The following ZRANB1 variants were observed in gnomAD, a reference collection of about 807,000 sequenced individuals.
ZRANB1 encodes the protein zinc finger RANBP2-type containing 1, also known as ubiquitin thioesterase ZRANB1.
In ZRANB1, 16 loss-of-function variants were observed where a neutral mutation model predicts 80.5. That is an observed-to-expected ratio of 0.20 (90% CI 0.13 to 0.30). ZRANB1 has a LOEUF of 0.30. Ranked by LOEUF, ZRANB1 falls within the 10% of genes least tolerant of loss-of-function variation. The probability of loss-of-function intolerance (pLI) is 1.00; values close to 1 mark genes in which losing one functional copy is unlikely to be tolerated. For synonymous variants in ZRANB1, 291 were observed against 293.1 expected (o/e 0.99, Z 0.07); for missense variants, 576 against 862.6 (o/e 0.67, Z 4.16).
chr10:124,971,664 C>A (rs533301450), intron 2 of ZRANB1, among the ~76,000 whole-genome samples: 1 of 152,164 alleles, frequency 6.6e-6, no homozygotes, highest in Non-Finnish European at 1.5e-5. Context: ...CTCTCCTCTT[C>A]CTGTGATGTG....
At chr10:124,952,827 C>T (rs1279518574) in intron 1 of ZRANB1, among the ~76,000 whole-genome samples, 1 of 152,188 alleles carries the variant, frequency 6.6e-6, no homozygotes, top group Non-Finnish European at 1.5e-5. Context: ...CCAGGCTAGT[C>T]TCGAACTCCT....
the ZRANB1 span, among the ~76,000 whole-genome samples, chr10:124,930,424 T>A: frequency 6.6e-6 from 1 of 152,034 alleles, no homozygotes; most frequent in Admixed American, 6.5e-5. Flanking sequence ...CACCACCATA[T>A]CCAGCTAATT....
Position 124,983,798 on chromosome 10 carries a change from T to C in ZRANB1, c.1908+110T>C. 1.3e-6 allele frequency: 1 copy of C among 778,678 alleles called. No homozygotes were observed. The highest frequency in any genetic ancestry group is 2.7e-5 in the East Asian group (1 of 37,034). 48.2% of individuals were successfully genotyped at this position (778,678 alleles called of 1,614,324 possible). The stretch of plus-strand genomic sequence containing the variant: ...TGCACTATCACTTAATTTCTGAATG[T>C]GATGGTAGTAATTGCTGAAGGTACT... On this transcript the variant is annotated intron_variant, in intron 8 of 8. Coordinates refer to ENST00000359653, the MANE Select transcript of ZRANB1 (RefSeq NM_017580.3). This position sits in a 1 kb window ranked among gnomAD's most constrained non-coding sequence, Gnocchi z 6.2.
In ZRANB1 at chr10:124,942,862, A is replaced by G; in HGVS notation, c.369A>G (p.Ser123=). The G allele has an allele frequency of 6.2e-7, 1 of 1,614,242 alleles. No individual in the cohort carries two copies. The highest frequency in any genetic ancestry group is 8.5e-7 in the Non-Finnish European group (1 of 1,180,040). Residue 123 remains serine, a synonymous_variant, in exon 1 of 9, where the codon TCA becomes TCG. Transcript: ENST00000359653. Reference sequence around the variant, plus strand: ...GTCCTACAGAATCTCCTCAGTCCTCAGGATCTGGCTCAAGACCAGTTGCTT... The same window carrying G: ...GTCCTACAGAATCTCCTCAGTCCTCGGGATCTGGCTCAAGACCAGTTGCTT... ...TRSPTESPQS[S]GSGSRPVAFS...
intron 5 of ZRANB1, among the ~76,000 whole-genome samples, 153 bp downstream of exon 5, chr10:124,974,551 C>T (rs1205875171): frequency 6.6e-6 from 1 of 152,188 alleles, no homozygotes; most frequent in African/African-American, 2.4e-5. Flanking sequence ...TGAACACGTC[C>T]ATGGTTTCTG....
intron 1 of ZRANB1, chr10:124,945,492 G>A (rs1030942706): frequency 1.4e-5 from 2 of 142,564 alleles, no homozygotes; most frequent in African/African-American, 5.4e-5. Flanking sequence ...GTACATGTAG[G>A]TTTATAGATG....
At chr10:124,960,075 AG>A in intron 1 of ZRANB1, among the ~76,000 whole-genome samples, 1 of 152,292 alleles carries the variant, frequency 6.6e-6, no homozygotes, top group South Asian at 2.1e-4. Flanking sequence ...TCCTGGACAT[AG>A]GAGAGGGAAA....
chr10:124,971,986 T>G lies in ZRANB1; in HGVS notation c.1024T>G (p.Cys342Gly). Residue 342 changes from cysteine (C) to glycine (G), a missense_variant, in exon 3 of 9, where the codon TGT (cysteine) becomes GGT (glycine). Cys to Gly is a radical substitution (Grantham distance 159, BLOSUM62 -3). Coordinates refer to ENST00000359653, the MANE Select transcript of ZRANB1 (RefSeq NM_017580.3). ...LTEVSQQAAK[C>G]IPAMVCPELT... ...TAAGGTGTCTCAACAAGCAGCAAAG[T>G]GTATTCCAGCAATGGTGTGTCCTGA... 1 of 1,603,728 alleles carries G rather than the reference T, an allele frequency of 6.2e-7. No homozygotes were observed. Among genetic ancestry groups the G allele is most frequent in the Non-Finnish European group, 8.5e-7 (1 of 1,175,554 alleles).
rs1952051749 is a variant in ZRANB1 at position 124,986,655 on chromosome 10, TGGC to T, written c.*1664_*1666del. 1 of 152,234 alleles carries T rather than the reference TGGC, an allele frequency of 6.6e-6. No homozygotes were observed. The allele number at this position is 152,234 out of a possible 1,614,324, so 9.4% of individuals were successfully genotyped here. A position where few individuals can be genotyped will look rare whatever the true frequency, so the allele number is the denominator to read the frequency against. On this transcript the variant is annotated 3_prime_UTR_variant, in exon 9 of 9. Coordinates refer to ENST00000359653, the MANE Select transcript of ZRANB1 (RefSeq NM_017580.3). ...AAGTGGTGAATGTGTTGTTAAAAAT[TGGC>T]TGTTTGCTTTCATTTTGGCCAATAA... is the stretch of plus-strand genomic sequence containing the variant.
At chr10:124,956,413 G>C (rs1951688058) in intron 1 of ZRANB1, among the ~76,000 whole-genome samples, 1 of 152,102 alleles carries the variant, frequency 6.6e-6, no homozygotes, top group Admixed American at 6.6e-5. Context: ...TCTACCTCCA[G>C]TCCTGCTGTG....
intron 1 of ZRANB1, among the ~76,000 whole-genome samples, chr10:124,949,449 G>GTATA (rs57300951): frequency 4.4e-4 from 65 of 147,260 alleles, no homozygotes; most frequent in Admixed American, 9.6e-4. Flanking sequence ...ACACACATAT[G>GTATA]TATATATATA....
the ZRANB1 span, among the ~76,000 whole-genome samples, chr10:124,933,520 G>A: frequency 1.3e-5 from 2 of 152,218 alleles, no homozygotes; most frequent in Admixed American, 6.5e-5. Context: ...CTGGATTGCT[G>A]TGTATTTTTG....
chr10:124,920,027 C>A, the ZRANB1 span, among the ~76,000 whole-genome samples: 1 of 146,854 alleles, frequency 6.8e-6, no homozygotes, highest in Non-Finnish European at 1.5e-5. Context: ...TCAAGCGATT[C>A]TTCTGCCTCA....
intron 1 of ZRANB1, among the ~76,000 whole-genome samples, chr10:124,946,661 A>G (rs896281353): frequency 6.6e-6 from 1 of 152,178 alleles, no homozygotes; most frequent in Non-Finnish European, 1.5e-5. Context: ...CTGAACTGTT[A>G]TACGTAAGGT....
At chr10:124,917,201 CCGCCGCCGCCGCCAA>C in the ZRANB1 span, 2 of 172,526 alleles carry the variant, frequency 1.2e-5, no homozygotes, top group South Asian at 3.2e-4. Flanking sequence ...GCCGCCGCCG[CCGCCGCCGCCGCCAA>C]GCGCCCGTCG....
chr10:124,960,311 A>G (rs890767622), intron 1 of ZRANB1, among the ~76,000 whole-genome samples: 1 of 152,160 alleles, frequency 6.6e-6, no homozygotes, highest in Non-Finnish European at 1.5e-5. Flanking sequence ...TTCCAATTTG[A>G]TGATTTTCTG....
chr10:124,940,490 G>T, upstream of ZRANB1: 1 of 1,287,866 alleles, frequency 7.8e-7, no homozygotes, highest in Non-Finnish European at 1.0e-6. Context: ...TTTGCAAACC[G>T]TACTTTTATT....
At chr10:124,980,660 CTG>C (rs1313520047) in intron 5 of ZRANB1, among the ~76,000 whole-genome samples, 1 of 152,176 alleles carries the variant, frequency 6.6e-6, no homozygotes, top group African/African-American at 2.4e-5. Context: ...ATGTTTTAAA[CTG>C]AGTTAAACCT....
chr10:124,930,902 C>T, the ZRANB1 span, among the ~76,000 whole-genome samples: 8 of 151,896 alleles, frequency 5.3e-5, no homozygotes, highest in African/African-American at 9.6e-5. Flanking sequence ...TAATGGTGTG[C>T]GCCTGTAGGC....
Sources: allele counts gnomAD v4.1 joint callset (sites outside exome capture counted in the v4.1 genomes callset), GRCh38; gene constraint gnomAD v4.1.1; non-coding constraint Gnocchi (gnomAD v3.1); transcripts MANE v1.5; gene names NCBI Gene and HGNC (gene_info 2026-07-23, HGNC 2026-07-21).